The following C2orf78 variants were observed in gnomAD, a reference collection of about 807,000 sequenced individuals.
C2orf78 encodes chromosome 2 open reading frame 78.
In C2orf78, 12 loss-of-function variants were observed where a neutral mutation model predicts 21.4. The ratio of observed to expected loss-of-function variants is 0.56; its 90% CI spans 0.36 to 0.91. The LOEUF (loss-of-function observed/expected upper bound fraction) is 0.91, where lower values mean the gene tolerates loss of function less well. Among genes scored for constraint, C2orf78 ranks in the 40% least tolerant of loss-of-function variants. The pLI is 0.01. For missense variants in C2orf78, 1,042 were observed against 1,092.4 expected, an observed-to-expected ratio of 0.95 and a Z score of 0.65; for synonymous variants, 396 against 413.9, an observed-to-expected ratio of 0.96 and a Z score of 0.52.
intron 1 of C2orf78, among the ~76,000 whole-genome samples, chr2:73,807,966 G>A (rs925956353): frequency 6.0e-5 from 9 of 150,970 alleles, no homozygotes; most frequent in Admixed American, 1.3e-4. Flanking sequence ...CCTTAAAATC[G>A]GCAGTAGGGC....
chr2:73,814,010 G>A (rs1427534039), exon 2 of C2orf78: 11 of 1,614,012 alleles, frequency 6.8e-6, no homozygotes, highest in Non-Finnish European at 9.3e-6. Flanking sequence ...AGGAAGCCAG[G>A]TCTATTACTA....
intron 1 of C2orf78, among the ~76,000 whole-genome samples, chr2:73,812,896 G>A (rs1267053859): frequency 1.3e-5 from 2 of 152,024 alleles, no homozygotes; most frequent in African/African-American, 2.4e-5. Context: ...GTGACACTAA[G>A]GATTATAAAG....
chr2:73,784,390 T>G (rs1233371804), exon 1 of C2orf78: 2 of 1,118,970 alleles, frequency 1.8e-6, no homozygotes, highest in Admixed American at 4.1e-5. Flanking sequence ...ATGTTTCTTC[T>G]TCTCTGACCA....
At chr2:73,784,451 G>T in intron 1 of C2orf78, 45 bp downstream of exon 1, 3 of 620,392 alleles carry the variant, frequency 4.8e-6, no homozygotes, top group Non-Finnish European at 8.3e-6. Flanking sequence ...AGATTTCTTT[G>T]CCACTAAATT....
exon 1 of C2orf78, chr2:73,784,232 G>A (rs544965391): frequency 1.8e-4 from 273 of 1,513,310 alleles, no homozygotes; most frequent in Non-Finnish European, 2.2e-4. Flanking sequence ...GGGTTTCCTG[G>A]GCGTGGCCTG....
exon 3 of C2orf78, chr2:73,816,612 G>T: frequency 6.2e-7 from 1 of 1,613,012 alleles, no homozygotes; most frequent in Non-Finnish European, 8.5e-7. Flanking sequence ...ACCCAGTTCA[G>T]CCAACCCTAC....
chr2:73,813,493 G>T lies in C2orf78; in HGVS notation c.114G>T (p.Thr38=), dbSNP rs559932806. The change falls in exon 2 of 3, where the codon ACG becomes ACT. Residue 38 remains threonine (T), a synonymous_variant. Coordinates refer to ENST00000409561, the Ensembl canonical transcript of C2orf78. ...TTCCTACAGAATATTTCCAAAATAC[G>T]TCTTTACCTGGAACTGCAAATTCTC... 121 of 1,603,248 alleles carry T rather than the reference G, an allele frequency of 7.5e-5. 1 individual carries two copies. Among genetic ancestry groups the T allele is most frequent in the South Asian group, 5.6e-4 (50 of 89,360 alleles).
At chr2:73,815,953 G>A in exon 3 of C2orf78, 1 of 1,613,884 alleles carries the variant, frequency 6.2e-7, no homozygotes, top group Admixed American at 1.7e-5. Flanking sequence ...AAAGGGAACA[G>A]AAAGAACAGC....
exon 3 of C2orf78, chr2:73,817,025 G>C (rs545818920): frequency 6.4e-7 from 1 of 1,569,288 alleles, no homozygotes; most frequent in African/African-American, 1.4e-5. Flanking sequence ...TTTGGATACC[G>C]CTGGTTTTCC....
intron 1 of C2orf78, among the ~76,000 whole-genome samples, chr2:73,808,478 T>C (rs1445804308): frequency 6.6e-6 from 1 of 150,806 alleles, no homozygotes; most frequent in Admixed American, 6.6e-5. Flanking sequence ...ATGAGAAACA[T>C]TGAGATGATC....
rs1338024763 is a variant in C2orf78, at chr2:73,813,457, C to T, written c.98-20C>T. On this transcript the variant is annotated intron_variant, in intron 1 of 2. Transcript: ENST00000409561. ...TTTTCACTCTCATCGGTTTTTTCAT[C>T]TCTCTCTTGTTTCCTACAGAATATT... The T allele has an allele frequency of 1.3e-6, 2 of 1,545,516 alleles. No homozygotes were observed. The highest frequency in any genetic ancestry group is 1.2e-5 in the South Asian group (1 of 80,230).
At chr2:73,816,231 G>C in exon 3 of C2orf78, 1 of 1,613,918 alleles carries the variant, frequency 6.2e-7, no homozygotes, top group Non-Finnish European at 8.5e-7. Context: ...GCCATTCCCA[G>C]CTCTCAAACC....
rs572185195 is a variant in C2orf78, at chr2:73,807,090, A to G, written c.98-6387A>G. 2.1e-5 allele frequency among the ~76,000 whole-genome samples: 3 copies of G among 143,632 alleles called. 1 individual carries two copies. Among genetic ancestry groups the G allele is most frequent in the African/African-American group, 8.3e-5 (3 of 36,218 alleles). The allele number at this position is 143,632 out of a possible 152,430, so 94.2% of individuals were successfully genotyped here. ...CAGCTACTCGGGAGACTAAGGCACG[A>G]GAATGGTGTGAACCTGGGAGGCAGA... On this transcript the variant is annotated intron_variant, in intron 1 of 2. Coordinates refer to ENST00000409561, the Ensembl canonical transcript of C2orf78.
At chr2:73,813,262 T>C (rs1423026551) in intron 1 of C2orf78, among the ~76,000 whole-genome samples, 1 of 152,234 alleles carries the variant, frequency 6.6e-6, no homozygotes, top group Non-Finnish European at 1.5e-5. Flanking sequence ...TCTTCATATC[T>C]GTGTCCAAGT....
At chr2:73,813,604 C>T in exon 2 of C2orf78, 16 of 1,614,042 alleles carry the variant, frequency 9.9e-6, no homozygotes, top group Non-Finnish European at 1.4e-5. Flanking sequence ...CTCCAGCCAT[C>T]AGCTCAGCAT....
At position 73,815,587 on chromosome 2, in the gene C2orf78, C is replaced by T. The variant is rs201436845; in HGVS notation, c.1364C>T (p.Pro455Leu). The T allele has an allele frequency of 5.6e-5, 90 of 1,613,964 alleles. 1 individual carries two copies. The East Asian group carries it at 1.1e-3, about 20-fold the overall frequency. ...TGGGTGGAGGATACTTACCTCCCCC[C>T]GATCTTCAGTTCCTTACAAGATCTT... Residue 455 changes from proline (P) to leucine (L), a missense_variant, in exon 3 of 3, where the codon CCG becomes CTG. This residue lies in a region of C2orf78 where 1,039 missense variants were observed against 1,069.7 expected (regional missense o/e 0.97). Coordinates refer to ENST00000409561, the Ensembl canonical transcript of C2orf78.
At chr2:73,812,178 G>A (rs1031870589) in intron 1 of C2orf78, among the ~76,000 whole-genome samples, 9 of 151,968 alleles carry the variant, frequency 5.9e-5, no homozygotes, top group African/African-American at 2.2e-4. Flanking sequence ...CTGTTTCTTG[G>A]TTAATAGTAT....
intron 2 of C2orf78, among the ~76,000 whole-genome samples, chr2:73,814,605 C>T (rs1673155659): frequency 6.6e-6 from 1 of 152,176 alleles, no homozygotes; most frequent in Admixed American, 6.5e-5. Flanking sequence ...TTTTCCTTAA[C>T]TTACAATAGG....
At chr2:73,813,154 G>C (rs1339306669) in intron 1 of C2orf78, among the ~76,000 whole-genome samples, 1 of 152,170 alleles carries the variant, frequency 6.6e-6, no homozygotes, top group African/African-American at 2.4e-5. Flanking sequence ...CTAGGAAATA[G>C]TTATGAGTCT....
Sources: gnomAD v4.1 joint callset for allele counts (sites outside exome capture counted in the v4.1 genomes callset) on GRCh38, gnomAD v4.1.1 for gene constraint, gnomAD v4.1.1 regional missense constraint, MANE v1.5 for transcripts, NCBI Gene and HGNC (gene_info 2026-07-23, HGNC 2026-07-21) for gene names.